Variants in BLM observed in about 807,000 individuals in gnomAD.
BLM encodes the protein recQ-like DNA helicase BLM.
BLM carries 95 observed loss-of-function variants against 135.3 expected under a neutral mutation model. That is an observed-to-expected ratio of 0.70 (90% confidence interval 0.59 to 0.83). The LOEUF is 0.83. Ranked by LOEUF, BLM falls within the 40% of genes least tolerant of loss-of-function variation. The pLI is 0.00. For synonymous variants in BLM, 520 were observed against 589.2 expected, an observed-to-expected ratio of 0.88 and a Z score of 1.70; for missense variants, 1,518 against 1,663.9, an observed-to-expected ratio of 0.91 and a Z score of 1.53.
At chr15:90,720,625 T>G (rs980130427) in intron 1 of BLM, among the ~76,000 whole-genome samples, 2 of 151,964 alleles carry the variant, frequency 1.3e-5, no homozygotes, top group African/African-American at 4.8e-5. Context: ...GGAATTTTTT[T>G]TTTCTTTTCT....
chr15:90,741,404 C>G (rs776851689), intron 1 of BLM, among the ~76,000 whole-genome samples: 9 of 152,122 alleles, frequency 5.9e-5, no homozygotes, highest in South Asian at 4.1e-4. Context: ...TTGGCTTTCT[C>G]AAATCTGAAG....
At chr15:90,752,081 C>CAA in intron 4 of BLM, 135 bp downstream of exon 4, 1 of 784,632 alleles carries the variant, frequency 1.3e-6, no homozygotes, top group Non-Finnish European at 1.9e-6. Flanking sequence ...GTGAAAGCCT[C>CAA]AAAAAAAAAC....
At chr15:90,749,135 G>A (rs1037120055) in intron 2 of BLM, among the ~76,000 whole-genome samples, 1 of 152,188 alleles carries the variant, frequency 6.6e-6, no homozygotes, top group African/African-American at 2.4e-5. Flanking sequence ...GAGAAATAAA[G>A]TAGTGGGAAT....
intron 1 of BLM, 96 bp from the exon 2 acceptor site, chr15:90,747,293 A>G: frequency 1.1e-6 from 1 of 911,068 alleles, no homozygotes; most frequent in South Asian, 1.4e-5. Context: ...AGTTGGAACA[A>G]TGCCTGTTTG....
At chr15:90,803,988 A>G (rs889348469) in intron 18 of BLM, among the ~76,000 whole-genome samples, 179 bp from the exon 19 acceptor site, 14 of 152,224 alleles carry the variant, frequency 9.2e-5, no homozygotes, top group African/African-American at 3.4e-4. Context: ...AGGCTATTCT[A>G]TGCTTGACAC....
At chr15:90,739,315 C>T (rs555465396) in intron 1 of BLM, among the ~76,000 whole-genome samples, 1 of 152,130 alleles carries the variant, frequency 6.6e-6, no homozygotes, top group Non-Finnish European at 1.5e-5. Flanking sequence ...GCAGGAGAAT[C>T]ACTTGAACCC....
At position 90,749,478 on chromosome 15, in the gene BLM, CTT is replaced by C. The variant is rs960430492; in HGVS notation, c.213_214del (p.Ser72LeufsTer3). 16 of 1,613,656 alleles carry C rather than the reference CTT, an allele frequency of 9.9e-6. No individual in the cohort carries two copies. The highest frequency in any genetic ancestry group is 1.4e-5 in the Non-Finnish European group (16 of 1,179,686). On this transcript the variant is annotated frameshift_variant, in exon 3 of 22. Coordinates refer to ENST00000355112, the MANE Select transcript of BLM (RefSeq NM_000057.4). LOFTEE classifies it high-confidence loss of function. ...RNKDVNVTED[F>X]SFSEPLPNTT... The stretch of plus-strand genomic sequence containing the variant: ...ATAAAGATGTTAATGTTACCGAAGA[CTT>C]TTCCTTCAGTGAACCTCTACCCAAC...
intron 12 of BLM, among the ~76,000 whole-genome samples, chr15:90,775,640 T>TA (rs1896456548): frequency 6.6e-6 from 1 of 151,698 alleles, no homozygotes; most frequent in South Asian, 2.1e-4. Flanking sequence ...GCCTCCTGAG[T>TA]AGCTGGGACT....
intron 1 of BLM, among the ~76,000 whole-genome samples, chr15:90,722,378 G>A (rs1894793896): frequency 6.6e-6 from 1 of 152,022 alleles, no homozygotes; most frequent in African/African-American, 2.4e-5. Flanking sequence ...CAAAGTGCTG[G>A]GATTACAGGC....
At chr15:90,789,118 C>A (rs891219341) in intron 14 of BLM, among the ~76,000 whole-genome samples, 2 of 151,680 alleles carry the variant, frequency 1.3e-5, no homozygotes, top group African/African-American at 2.4e-5. Context: ...CTAATTATTT[C>A]TGCTCTCAGA....
At chr15:90,799,464 G>A (rs572638345) in intron 17 of BLM, among the ~76,000 whole-genome samples, 5 of 151,506 alleles carry the variant, frequency 3.3e-5, no homozygotes, top group Non-Finnish European at 5.9e-5. Flanking sequence ...AATAGAGAAA[G>A]CATAGAAAGG....
intron 12 of BLM, 95 bp downstream of exon 12, chr15:90,769,681 A>G (rs1407788967): frequency 7.2e-7 from 1 of 1,396,014 alleles, no homozygotes; most frequent in Non-Finnish European, 9.9e-7. Flanking sequence ...TAACGCCACC[A>G]CCCCACCCCC....
Position 90,760,155 on chromosome 15 carries a change from A to G in BLM, c.1096A>G (p.Ile366Val), listed in dbSNP as rs552913880. The change falls in exon 6 of 22, where the codon ATA (isoleucine) becomes GTA (valine). Residue 366 changes from isoleucine to valine, a missense_variant. Physicochemically the swap from Ile to Val is conservative, Grantham distance 29 (BLOSUM62 3). This residue lies in a region of BLM where 724 missense variants were observed against 756.9 expected (regional missense o/e 0.96). Transcript: ENST00000355112. ...ACATAATTATTTTATAGCTAGACAG[A>G]TAAGTTTACAGCAGCAGCTTATTCA... ...ETSTDCDARQ[I>V]SLQQQLIHVM... 3 of 1,611,068 alleles carry G rather than the reference A, an allele frequency of 1.9e-6. No individual in the cohort carries two copies. Among genetic ancestry groups the G allele is most frequent in the Admixed American group, 1.7e-5 (1 of 60,000 alleles).
chr15:90,734,673 A>ATG (rs1895157203), intron 1 of BLM, among the ~76,000 whole-genome samples: 5 of 133,402 alleles, frequency 3.7e-5, no homozygotes, highest in South Asian at 2.3e-4. Context: ...GCGCGCACGC[A>ATG]CGCACACACA....
Position 90,815,903 on chromosome 15 carries a change from C to T in BLM, c.*624C>T, listed in dbSNP as rs937206427. ...GACCAGCCTGCCCAACATGGTGAAA[C>T]CCCGTCTCTACTAAAAATACAAAAA... On this transcript the variant is annotated 3_prime_UTR_variant, in exon 22 of 22. Transcript: ENST00000355112. This position sits in a 1 kb window ranked among gnomAD's most constrained non-coding sequence, Gnocchi z 4.6. The T allele has an allele frequency of 6.5e-6, 1 of 152,674 alleles. No homozygotes were observed. The allele number at this position is 152,674 out of a possible 1,614,324, so 9.5% of individuals were successfully genotyped here. A position where few individuals can be genotyped will look rare whatever the true frequency, so the allele number is the denominator to read the frequency against.
At chr15:90,759,333 G>A (rs918785139) in intron 5 of BLM, among the ~76,000 whole-genome samples, 20 of 151,682 alleles carry the variant, frequency 1.3e-4, no homozygotes, top group Admixed American at 9.2e-4. Flanking sequence ...AGGCCAAGGC[G>A]GGAGGATCAC....
intron 17 of BLM, among the ~76,000 whole-genome samples, chr15:90,799,648 A>AAAAAAAG (rs1897119116): frequency 7.1e-6 from 1 of 141,758 alleles, no homozygotes; most frequent in African/African-American, 2.6e-5. Flanking sequence ...AAAAAAAAAA[A>AAAAAAAG]AAATTAAGAC....
intron 17 of BLM, among the ~76,000 whole-genome samples, chr15:90,798,739 T>C (rs1269884606): frequency 6.6e-6 from 1 of 152,046 alleles, no homozygotes; most frequent in Non-Finnish European, 1.5e-5. Flanking sequence ...CCCAGCACTT[T>C]GGGAGGCCGA....
chr15:90,762,042 T>G (rs1161586844), intron 7 of BLM, among the ~76,000 whole-genome samples: 3 of 151,810 alleles, frequency 2.0e-5, no homozygotes, highest in Admixed American at 6.6e-5. Context: ...CACGGAGGTT[T>G]TTCTTACAGT....
Sources: allele counts gnomAD v4.1 joint callset (sites outside exome capture counted in the v4.1 genomes callset), GRCh38; gene constraint gnomAD v4.1.1; regional missense constraint gnomAD v4.1.1; non-coding constraint Gnocchi (gnomAD v3.1); transcripts MANE v1.5; gene names NCBI Gene and HGNC (gene_info 2026-07-23, HGNC 2026-07-21).